Variants in CSMD1 observed in about 807,000 individuals in gnomAD.
CSMD1 encodes CUB and sushi domain-containing protein 1.
A neutral mutation model predicts 417.5 loss-of-function variants in CSMD1; 213 were observed. The ratio of observed to expected loss-of-function variants is 0.51; its 90% confidence interval spans 0.46 to 0.57. The LOEUF (loss-of-function observed/expected upper bound fraction) is 0.57. Ranked by LOEUF, CSMD1 falls within the 20% of genes least tolerant of loss-of-function variation. The probability of loss-of-function intolerance (pLI) is 0.00; values close to 1 mark genes in which losing one functional copy is unlikely to be tolerated. For synonymous variants in CSMD1, 2,862 were observed against 1,736.8 expected (o/e 1.65, Z -16.11); for missense variants, 6,923 against 4,529.7 (o/e 1.53, Z -15.17).
At chr8:4,720,881 T>G (rs1563216512) in intron 1 of CSMD1, among the ~76,000 whole-genome samples, 1 of 152,192 alleles carries the variant, frequency 6.6e-6, no homozygotes, top group Non-Finnish European at 1.5e-5. Context: ...GTGCCGTCTC[T>G]GGTACAAACA....
chr8:3,727,028 T>C (rs927630170), intron 6 of CSMD1, among the ~76,000 whole-genome samples: 15 of 152,216 alleles, frequency 9.9e-5, no homozygotes, highest in African/African-American at 3.6e-4. Context: ...ATTTATTTTC[T>C]CTTAGTTACT....
intron 5 of CSMD1, among the ~76,000 whole-genome samples, chr8:3,793,899 C>G (rs976286653): frequency 3.9e-5 from 6 of 152,056 alleles, no homozygotes; most frequent in African/African-American, 1.4e-4. Context: ...TCGCAGAGTT[C>G]CCTTTGGAAT....
chr8:3,231,344 T>G (rs1450500873), intron 26 of CSMD1, among the ~76,000 whole-genome samples: 1 of 152,182 alleles, frequency 6.6e-6, no homozygotes, highest in East Asian at 1.9e-4. Flanking sequence ...ACTTCACTGT[T>G]TTCAACACCA....
intron 3 of CSMD1, among the ~76,000 whole-genome samples, chr8:4,177,213 A>T (rs1055329068): frequency 6.6e-6 from 1 of 152,208 alleles, no homozygotes; most frequent in Non-Finnish European, 1.5e-5. Context: ...AAAAGAAGAG[A>T]AATTATAACA....
intron 2 of CSMD1, among the ~76,000 whole-genome samples, chr8:4,581,354 C>T (rs2617069): frequency 0.35 from 52,724 of 152,056 alleles, 12,777 homozygotes; most frequent in African/African-American, 0.7. Flanking sequence ...TTAAATCTTA[C>T]TACCTCTCGA....
intron 2 of CSMD1, among the ~76,000 whole-genome samples, chr8:4,568,580 T>C (rs1302738022): frequency 2.0e-5 from 3 of 152,188 alleles, no homozygotes; most frequent in South Asian, 2.1e-4. Context: ...GCAATACACA[T>C]ACGTGTGCAT....
At chr8:4,035,061 G>A (rs955591797) in intron 3 of CSMD1, among the ~76,000 whole-genome samples, 2 of 152,126 alleles carry the variant, frequency 1.3e-5, no homozygotes, top group African/African-American at 4.8e-5. Context: ...TGATTATCGT[G>A]CAGAAAGATC....
intron 1 of CSMD1, among the ~76,000 whole-genome samples, chr8:4,820,296 C>T (rs1215350433): frequency 6.6e-6 from 1 of 152,186 alleles, no homozygotes; most frequent in Non-Finnish European, 1.5e-5. Flanking sequence ...GGGCTGGGCA[C>T]AGTTAGTGCG....
chr8:3,776,418 A>G lies in CSMD1; in HGVS notation c.819-22376T>C, dbSNP rs555356289. 5.3e-5 allele frequency among the ~76,000 whole-genome samples: 8 copies of G among 151,896 alleles called. No homozygotes were observed. The South Asian group carries it at 1.7e-3, about 32-fold the overall frequency. On this transcript the variant is annotated intron_variant, in intron 5 of 69. Transcript: ENST00000635120. ...GCGCTGCAAGGGCTGACACCTTCTC[A>G]CTCCTGTCCTTCTCTAATCTCCTGT... is the stretch of plus-strand genomic sequence containing the variant.
intron 19 of CSMD1, 103 bp downstream of exon 19, chr8:3,369,151 G>A (rs1260206010): frequency 1.7e-6 from 1 of 599,812 alleles, no homozygotes; most frequent in Non-Finnish European, 3.0e-6. Flanking sequence ...CATGAGAAAA[G>A]TAGTTATCTC....
intron 23 of CSMD1, among the ~76,000 whole-genome samples, chr8:3,312,048 C>T (rs1305929647): frequency 6.6e-6 from 1 of 152,158 alleles, no homozygotes; most frequent in Non-Finnish European, 1.5e-5. Context: ...TTCCTCTACC[C>T]TAAAACTTGC....
chr8:3,765,998 C>T (rs899297114), intron 5 of CSMD1, among the ~76,000 whole-genome samples: 1 of 152,200 alleles, frequency 6.6e-6, no homozygotes, highest in Non-Finnish European at 1.5e-5. Flanking sequence ...CAGAGAGGAT[C>T]ATTTGGGAGA....
intron 2 of CSMD1, among the ~76,000 whole-genome samples, chr8:4,497,585 T>C (rs978871251): frequency 5.3e-5 from 8 of 152,096 alleles, no homozygotes; most frequent in Admixed American, 5.2e-4. Context: ...GTACACATGG[T>C]GGATGCTGCC....
chr8:4,415,687 C>T (rs538341971), intron 3 of CSMD1, among the ~76,000 whole-genome samples: 3 of 152,198 alleles, frequency 2.0e-5, no homozygotes, highest in Admixed American at 1.3e-4. Flanking sequence ...GTAGAGGCCC[C>T]GTGAATGCTG....
At chr8:4,764,310 A>C (rs1393120279) in intron 1 of CSMD1, among the ~76,000 whole-genome samples, 1 of 152,202 alleles carries the variant, frequency 6.6e-6, no homozygotes, top group Non-Finnish European at 1.5e-5. Context: ...GAAAACATAT[A>C]GTAGAGCAAA....
chr8:3,558,617 ATGATGAATAGTGCCT>A (rs1799318496), intron 10 of CSMD1, among the ~76,000 whole-genome samples: 1 of 134,030 alleles, frequency 7.5e-6, no homozygotes, highest in Admixed American at 7.9e-5. Flanking sequence ...CACTCCTCCA[ATGATGAATAGTGCCT>A]CAATAGTACC....
Position 4,138,204 on chromosome 8 carries a change from C to T in CSMD1, c.416-106105G>A, listed in dbSNP as rs999906440. On this transcript the variant is annotated intron_variant, in intron 3 of 69. Transcript: ENST00000635120. The stretch of plus-strand genomic sequence containing the variant: ...TGCTGGGATTACAGGCGCAGCCTTA[C>T]ATTTTTTTTTTTTTTTTTTTTCAGG... 5.5e-5 allele frequency among the ~76,000 whole-genome samples: 6 copies of T among 109,630 alleles called. 1 individual carries two copies. Among genetic ancestry groups the T allele is most frequent in the African/African-American group, 1.4e-4 (4 of 27,702 alleles). 71.9% of individuals were successfully genotyped at this position (109,630 alleles called of 152,430 possible).
chr8:4,715,021 C>A (rs1202831707), intron 1 of CSMD1, among the ~76,000 whole-genome samples: 1 of 152,140 alleles, frequency 6.6e-6, no homozygotes, highest in Non-Finnish European at 1.5e-5. Context: ...ATCATTTTAA[C>A]ATTTCAAGCA....
intron 23 of CSMD1, among the ~76,000 whole-genome samples, chr8:3,310,382 C>A (rs1285153203): frequency 6.6e-6 from 1 of 152,288 alleles, no homozygotes; most frequent in Middle Eastern, 3.4e-3. Flanking sequence ...CTGAACAAGT[C>A]TTTAGAAGGC....
Sources: gnomAD v4.1 joint callset for allele counts (sites outside exome capture counted in the v4.1 genomes callset) on GRCh38, gnomAD v4.1.1 for gene constraint, MANE v1.5 for transcripts, NCBI Gene and HGNC (gene_info 2026-07-23, HGNC 2026-07-21) for gene names.